The following MMP16 variants were observed in gnomAD, a reference collection of about 807,000 sequenced individuals.
The protein encoded by MMP16 is matrix metallopeptidase 16.
MMP16 carries 12 observed loss-of-function variants against 67.8 expected under a neutral mutation model. The ratio of observed to expected loss-of-function variants is 0.18; its 90% CI spans 0.11 to 0.29. MMP16 has a LOEUF of 0.29. MMP16 is among the 10% of genes least tolerant of loss of function. The probability of loss-of-function intolerance (pLI) is 1.00; values close to 1 mark genes in which losing one functional copy is unlikely to be tolerated. For missense variants in MMP16, 475 were observed against 765.7 expected, an observed-to-expected ratio of 0.62 and a Z score of 4.48; for synonymous variants, 249 against 255.9, an observed-to-expected ratio of 0.97 and a Z score of 0.26.
intron 6 of MMP16, among the ~76,000 whole-genome samples, chr8:88,083,571 A>C (rs189074736): frequency 6.6e-6 from 1 of 152,232 alleles, no homozygotes; most frequent in Admixed American, 6.5e-5. Flanking sequence ...CGAGAGTAGT[A>C]ATCATTACTA....
intron 1 of MMP16, among the ~76,000 whole-genome samples, chr8:88,205,796 C>G (rs1168547028): frequency 6.6e-6 from 1 of 152,132 alleles, no homozygotes; most frequent in Non-Finnish European, 1.5e-5. Flanking sequence ...CTATGACACA[C>G]CATTTAACTG....
At chr8:88,064,450 G>T (rs189187207) in intron 7 of MMP16, among the ~76,000 whole-genome samples, 1 of 151,902 alleles carries the variant, frequency 6.6e-6, no homozygotes, top group African/African-American at 2.4e-5. Flanking sequence ...CAGAACTAGG[G>T]GGTGACAGCT....
chr8:88,309,802 A>G (rs1270564636), intron 1 of MMP16, among the ~76,000 whole-genome samples: 1 of 152,096 alleles, frequency 6.6e-6, no homozygotes, highest in Admixed American at 6.6e-5. Flanking sequence ...AATCCATCAT[A>G]TATTTAACAT....
intron 1 of MMP16, among the ~76,000 whole-genome samples, chr8:88,263,976 G>GAGAGAGAGAGAGAA (rs1348368938): frequency 1.5e-5 from 1 of 68,068 alleles, no homozygotes; most frequent in Non-Finnish European, 3.1e-5. Context: ...GAGAGAGAAA[G>GAGAGAGAGAGAGAA]AGAGAGAGAG....
intron 1 of MMP16, among the ~76,000 whole-genome samples, chr8:88,325,599 C>A (rs1202776239): frequency 1.3e-5 from 2 of 152,242 alleles, no homozygotes; most frequent in Admixed American, 1.3e-4. Flanking sequence ...ATGTTAGGTA[C>A]AAAAATCCAT....
chr8:88,235,483 G>C (rs1296578000), intron 1 of MMP16, among the ~76,000 whole-genome samples: 1 of 151,860 alleles, frequency 6.6e-6, no homozygotes, highest in Non-Finnish European at 1.5e-5. Flanking sequence ...TAACCTGCTA[G>C]TTAAACTTAG....
At chr8:88,232,870 G>A (rs1809883244) in intron 1 of MMP16, among the ~76,000 whole-genome samples, 1 of 152,058 alleles carries the variant, frequency 6.6e-6, no homozygotes. Context: ...TCCTGCTTTT[G>A]GTGAGTTTAA....
At chr8:88,320,750 C>T (rs12114851) in intron 1 of MMP16, among the ~76,000 whole-genome samples, 2,760 of 152,200 alleles carry the variant, frequency 0.018, 82 homozygotes, top group African/African-American at 0.063. Flanking sequence ...TTAAGCAGCT[C>T]AATAGCTCCC....
At chr8:88,118,941 C>T in intron 4 of MMP16, 80 bp from the exon 5 acceptor site, 1 of 1,346,258 alleles carries the variant, frequency 7.4e-7, no homozygotes, top group South Asian at 1.3e-5. Context: ...GTATTATCAA[C>T]ATTTTACCCA....
intron 1 of MMP16, among the ~76,000 whole-genome samples, chr8:88,206,344 A>T (rs1809426251): frequency 1.3e-5 from 2 of 152,168 alleles, no homozygotes; most frequent in African/African-American, 4.8e-5. Flanking sequence ...ATGATAAAAA[A>T]AAATAAATTC....
intron 3 of MMP16, among the ~76,000 whole-genome samples, chr8:88,177,747 A>G (rs1344943713): frequency 6.6e-6 from 1 of 152,184 alleles, no homozygotes; most frequent in Non-Finnish European, 1.5e-5. Context: ...GCCTTCGTAT[A>G]TTACATAAAC....
At chr8:88,063,713 T>C (rs969833705) in intron 7 of MMP16, among the ~76,000 whole-genome samples, 9 of 152,088 alleles carry the variant, frequency 5.9e-5, no homozygotes, top group East Asian at 3.9e-4. Context: ...GGGTTTTTAC[T>C]GCGGTCCAGG....
In MMP16 at chr8:88,035,693, T is replaced by C. The variant is rs1455618078; in HGVS notation, c.*5768A>G. The C allele has an allele frequency of 1.3e-5, 2 of 151,954 alleles. No homozygotes were observed. Among genetic ancestry groups the C allele is most frequent in the African/African-American group, 4.8e-5 (2 of 41,424 alleles). The allele number at this position is 151,954 out of a possible 1,614,324, so 9.4% of individuals were successfully genotyped here. ...CATGTCACGTCCAGTTATAAGCCCA[T>C]AATTGTGTTTAAAAATTGAAGACTG... is the stretch of plus-strand genomic sequence containing the variant. On this transcript the variant is annotated 3_prime_UTR_variant, in exon 10 of 10. Coordinates refer to ENST00000286614, the MANE Select transcript of MMP16 (RefSeq NM_005941.5). The surrounding 1 kb of genome is among the most constrained non-coding windows in gnomAD (Gnocchi z 4.7).
chr8:88,292,471 T>C (rs1364621825), intron 1 of MMP16, among the ~76,000 whole-genome samples: 1 of 152,200 alleles, frequency 6.6e-6, no homozygotes, highest in Non-Finnish European at 1.5e-5. Context: ...CTCTCCTAGC[T>C]AGACAGATCA....
chr8:88,092,579 A>T (rs548541797), intron 6 of MMP16, among the ~76,000 whole-genome samples: 11 of 151,952 alleles, frequency 7.2e-5, no homozygotes, highest in Admixed American at 3.3e-4. Flanking sequence ...TCATTGTGGT[A>T]TTCCCTGATA....
intron 1 of MMP16, among the ~76,000 whole-genome samples, chr8:88,241,683 G>A (rs1484966882): frequency 2.0e-5 from 3 of 151,966 alleles, no homozygotes; most frequent in Non-Finnish European, 2.9e-5. Context: ...ATTATCTCAT[G>A]TACTTATCAC....
intron 6 of MMP16, among the ~76,000 whole-genome samples, chr8:88,113,364 A>G (rs1809373136): frequency 6.6e-6 from 1 of 151,780 alleles, no homozygotes; most frequent in African/African-American, 2.4e-5. Context: ...TTTAGGAGAA[A>G]ATAAGTGTTG....
At chr8:88,100,815 A>C (rs1809128753) in intron 6 of MMP16, among the ~76,000 whole-genome samples, 1 of 152,058 alleles carries the variant, frequency 6.6e-6, no homozygotes, top group Non-Finnish European at 1.5e-5. Flanking sequence ...GGATGAGTTC[A>C]TGTCCTTTGT....
At chr8:88,290,652 A>G (rs1810912983) in intron 1 of MMP16, among the ~76,000 whole-genome samples, 1 of 152,126 alleles carries the variant, frequency 6.6e-6, no homozygotes, top group East Asian at 1.9e-4. Context: ...ATCATGGCTT[A>G]CTGCAACCTT....
Sources: allele counts gnomAD v4.1 joint callset (sites outside exome capture counted in the v4.1 genomes callset), GRCh38; gene constraint gnomAD v4.1.1; non-coding constraint Gnocchi (gnomAD v3.1); transcripts MANE v1.5; gene names NCBI Gene and HGNC (gene_info 2026-07-23, HGNC 2026-07-21).